NLGN1: variants seen among roughly 807,000 people sequenced by gnomAD.
The protein encoded by NLGN1 is neuroligin-1.
NLGN1 carries 12 observed loss-of-function variants against 65.5 expected under a neutral mutation model. The observed-to-expected ratio is 0.18, with a 90% confidence interval of 0.12 to 0.30. The LOEUF (loss-of-function observed/expected upper bound fraction) is 0.30, where lower values mean the gene tolerates loss of function less well. Ranked by LOEUF, NLGN1 falls within the 10% of genes least tolerant of loss-of-function variation. NLGN1 has a pLI of 1.00. For missense variants in NLGN1, 750 were observed against 1,007.1 expected (o/e 0.74, Z 3.46); for synonymous variants, 350 against 359.5 (o/e 0.97, Z 0.30).
At chr3:173,822,444 T>C in intron 4 of NLGN1, among the ~76,000 whole-genome samples, 1 of 152,176 alleles carries the variant, frequency 6.6e-6, no homozygotes, top group Admixed American at 6.5e-5. Context: ...CTACTGATTA[T>C]AGGTTGAACA....
At chr3:173,819,819 T>C (rs1719855991) in intron 4 of NLGN1, among the ~76,000 whole-genome samples, 1 of 152,206 alleles carries the variant, frequency 6.6e-6, no homozygotes, top group African/African-American at 2.4e-5. Flanking sequence ...TCAAAAGTCA[T>C]CAATAAATAT....
At chr3:174,127,139 A>G (rs535387369) in intron 4 of NLGN1, among the ~76,000 whole-genome samples, 2 of 152,192 alleles carry the variant, frequency 1.3e-5, no homozygotes, top group African/African-American at 4.8e-5. Context: ...TATTTTTACC[A>G]TCATGACTCA....
chr3:173,683,678 A>G (rs148671423), intron 3 of NLGN1, among the ~76,000 whole-genome samples: 132 of 152,320 alleles, frequency 8.7e-4, no homozygotes, highest in Middle Eastern at 3.4e-3. Context: ...ACCCATCCAC[A>G]TAATTAAAAC....
intron 3 of NLGN1, among the ~76,000 whole-genome samples, chr3:173,767,631 T>G (rs1175140213): frequency 6.6e-6 from 1 of 152,098 alleles, no homozygotes; most frequent in Non-Finnish European, 1.5e-5. Flanking sequence ...GCCAATTCAT[T>G]GAATAGTGCA....
At chr3:174,168,701 G>A (rs1000436130) in intron 4 of NLGN1, among the ~76,000 whole-genome samples, 1 of 152,112 alleles carries the variant, frequency 6.6e-6, no homozygotes, top group Non-Finnish European at 1.5e-5. Context: ...AATGGTCTGA[G>A]CTCCCTGCTC....
At chr3:173,708,374 C>T (rs571195290) in intron 3 of NLGN1, among the ~76,000 whole-genome samples, 4 of 152,244 alleles carry the variant, frequency 2.6e-5, no homozygotes, top group East Asian at 3.9e-4. Flanking sequence ...TGCTGCACCA[C>T]GGGGAATCCT....
chr3:174,041,485 TC>T (rs1415249933), intron 4 of NLGN1, among the ~76,000 whole-genome samples: 1 of 152,184 alleles, frequency 6.6e-6, no homozygotes, highest in African/African-American at 2.4e-5. Flanking sequence ...ATTTTTAAAT[TC>T]CTTATGTGAA....
chr3:173,909,498 G>A (rs1739138469), intron 4 of NLGN1, among the ~76,000 whole-genome samples: 1 of 152,132 alleles, frequency 6.6e-6, no homozygotes, highest in Non-Finnish European at 1.5e-5. Flanking sequence ...AATTTGAAAT[G>A]AAGACTCACT....
chr3:174,180,157 AAAATT>A (rs1208923972), intron 4 of NLGN1, among the ~76,000 whole-genome samples: 3 of 152,166 alleles, frequency 2.0e-5, no homozygotes, highest in African/African-American at 7.2e-5. Flanking sequence ...AAATGAAAGA[AAAATT>A]AAACACAATA....
At chr3:173,529,576 C>A (rs531583772) in intron 2 of NLGN1, among the ~76,000 whole-genome samples, 2 of 152,172 alleles carry the variant, frequency 1.3e-5, no homozygotes, top group Admixed American at 1.3e-4. Flanking sequence ...GTTTATCACA[C>A]CCCTGTCCTG....
At chr3:173,876,215 A>G (rs1270760559) in intron 4 of NLGN1, among the ~76,000 whole-genome samples, 1 of 152,132 alleles carries the variant, frequency 6.6e-6, no homozygotes, top group Non-Finnish European at 1.5e-5. Context: ...GGAAGTGGTA[A>G]TTTTGACAGT....
At chr3:173,889,546 G>A (rs774527143) in intron 4 of NLGN1, among the ~76,000 whole-genome samples, 20 of 152,048 alleles carry the variant, frequency 1.3e-4, no homozygotes, top group Non-Finnish European at 2.8e-4. Context: ...AAAGAATCCC[G>A]TTGTCAAGAA....
chr3:174,138,595 C>T (rs535429682), intron 4 of NLGN1, among the ~76,000 whole-genome samples: 195 of 151,940 alleles, frequency 1.3e-3, no homozygotes, highest in Middle Eastern at 3.4e-3. Context: ...CCACCACGCC[C>T]GGCTAATTTT....
At chr3:173,542,493 G>A (rs993152309) in intron 2 of NLGN1, among the ~76,000 whole-genome samples, 1 of 151,986 alleles carries the variant, frequency 6.6e-6, no homozygotes, top group African/African-American at 2.4e-5. Context: ...TTTCCTAGAA[G>A]CGCTGTAGAT....
At chr3:173,479,078 A>G (rs1438375486) in intron 2 of NLGN1, among the ~76,000 whole-genome samples, 1 of 152,134 alleles carries the variant, frequency 6.6e-6, no homozygotes, top group African/African-American at 2.4e-5. Flanking sequence ...GTAAAACAGG[A>G]TATACTATAA....
intron 4 of NLGN1, among the ~76,000 whole-genome samples, chr3:174,148,277 C>T (rs546324231): frequency 6.6e-6 from 1 of 152,234 alleles, no homozygotes; most frequent in African/African-American, 2.4e-5. Flanking sequence ...GCTTAGATTA[C>T]ACGTAAAAGG....
chr3:173,533,253 G>A lies in NLGN1; in HGVS notation c.-320-71026G>A, dbSNP rs192847806. 1.3e-3 allele frequency among the ~76,000 whole-genome samples: 203 copies of A among 152,164 alleles called. 2 individuals carry two copies. The highest frequency in any genetic ancestry group is 2.3e-3 in the Non-Finnish European group (157 of 68,008). On this transcript the variant is annotated intron_variant, in intron 2 of 6. Coordinates refer to ENST00000457714, the Ensembl canonical transcript of NLGN1. ...TAGAAAATTTAAAAAAGCAAACATT[G>A]GAAGGTGTTTACTTATCCCCTTTAC...
intron 3 of NLGN1, among the ~76,000 whole-genome samples, chr3:173,708,027 A>G (rs1404623014): frequency 1.3e-5 from 2 of 152,264 alleles, no homozygotes; most frequent in African/African-American, 4.8e-5. Flanking sequence ...AGTGACAGGT[A>G]AAGCTCCTTA....
chr3:173,410,783 GT>G (rs1468611218), intron 1 of NLGN1, among the ~76,000 whole-genome samples: 1 of 152,112 alleles, frequency 6.6e-6, no homozygotes, highest in East Asian at 1.9e-4. Flanking sequence ...CTTCAATCAT[GT>G]TTTAATCACA....
Sources: allele counts gnomAD v4.1 joint callset (sites outside exome capture counted in the v4.1 genomes callset), GRCh38; gene constraint gnomAD v4.1.1; transcripts MANE v1.5; gene names NCBI Gene and HGNC (gene_info 2026-07-23, HGNC 2026-07-21).